Variants in GPR39 observed in about 807,000 individuals in gnomAD.
GPR39 encodes the protein zinc sensing receptor.
Under a neutral mutation model 18.4 loss-of-function variants are expected in GPR39, and 23 were observed. That is an observed-to-expected ratio of 1.25 (90% CI 0.90 to 1.77). GPR39 has a LOEUF of 1.77. Ranked by LOEUF, GPR39 falls within the 40% of genes most tolerant of loss-of-function variation. The probability of loss-of-function intolerance (pLI) is 0.00; values close to 1 mark genes in which losing one functional copy is unlikely to be tolerated. For synonymous variants in GPR39, 280 were observed against 257.9 expected, an observed-to-expected ratio of 1.09 and a Z score of -0.82; for missense variants, 647 against 602.4, an observed-to-expected ratio of 1.07 and a Z score of -0.78.
intron 1 of GPR39, among the ~76,000 whole-genome samples, chr2:132,595,088 G>C (rs545498184): frequency 6.6e-6 from 1 of 152,028 alleles, no homozygotes; most frequent in Non-Finnish European, 1.5e-5. Context: ...AGCCTCCGCC[G>C]CACAGGCTTA....
chr2:132,461,525 G>T (rs1680831061), intron 1 of GPR39, among the ~76,000 whole-genome samples: 2 of 152,200 alleles, frequency 1.3e-5, no homozygotes, highest in African/African-American at 4.8e-5. Flanking sequence ...ATCTCAGGCT[G>T]CTAACACAAC....
chr2:132,452,832 T>A (rs1262920547), intron 1 of GPR39, among the ~76,000 whole-genome samples: 1 of 149,822 alleles, frequency 6.7e-6, no homozygotes, highest in Non-Finnish European at 1.5e-5. Flanking sequence ...GGCTGCATAG[T>A]ATTCCACGCT....
intron 1 of GPR39, among the ~76,000 whole-genome samples, chr2:132,468,580 G>A (rs1328883025): frequency 6.6e-6 from 1 of 152,200 alleles, no homozygotes; most frequent in Admixed American, 6.5e-5. Context: ...ATTGAGTTTG[G>A]AACGTGAGAC....
intron 1 of GPR39, among the ~76,000 whole-genome samples, chr2:132,602,118 G>A (rs1003275719): frequency 1.3e-5 from 2 of 151,320 alleles, no homozygotes; most frequent in Non-Finnish European, 2.9e-5. Context: ...AGAGCAGGGA[G>A]CATCATACTA....
At chr2:132,610,648 G>A (rs1479851037) in intron 1 of GPR39, among the ~76,000 whole-genome samples, 5 of 152,000 alleles carry the variant, frequency 3.3e-5, no homozygotes, top group African/African-American at 4.8e-5. Flanking sequence ...GTGGTGGCAC[G>A]TACCTGTAGT....
At chr2:132,487,172 G>A (rs1314629927) in intron 1 of GPR39, among the ~76,000 whole-genome samples, 1 of 152,156 alleles carries the variant, frequency 6.6e-6, no homozygotes, top group East Asian at 1.9e-4. Flanking sequence ...TATGGGTATG[G>A]TTTGTGGTGC....
chr2:132,432,059 C>T (rs1236117953), intron 1 of GPR39, among the ~76,000 whole-genome samples: 1 of 152,156 alleles, frequency 6.6e-6, no homozygotes, highest in Non-Finnish European at 1.5e-5. Context: ...CCAACATCTT[C>T]AGATTTCTCC....
chr2:132,521,020 A>T (rs892322939), intron 1 of GPR39, among the ~76,000 whole-genome samples: 1 of 152,204 alleles, frequency 6.6e-6, no homozygotes, highest in African/African-American at 2.4e-5. Context: ...AAGCCTGGAA[A>T]TGGGCTGTTC....
At chr2:132,503,064 TC>T (rs1485075896) in intron 1 of GPR39, among the ~76,000 whole-genome samples, 1 of 152,250 alleles carries the variant, frequency 6.6e-6, no homozygotes, top group Non-Finnish European at 1.5e-5. Flanking sequence ...GAATTATTCT[TC>T]TGGCAAATCA....
chr2:132,511,145 G>A lies in GPR39; in HGVS notation c.856+93247G>A, dbSNP rs114423258. 3.5e-3 allele frequency among the ~76,000 whole-genome samples: 530 copies of A among 152,218 alleles called. 2 individuals carry two copies. Among genetic ancestry groups the A allele is most frequent in the African/African-American group, 0.012 (486 of 41,552 alleles). ...TTGCAAGAATTCCCAGCATCCCATC[G>A]TGAAGCAAGGTTTGCCTGTTTCTGA... On this transcript the variant is annotated intron_variant, in intron 1 of 1. Coordinates refer to ENST00000329321, the MANE Select transcript of GPR39 (RefSeq NM_001508.3).
At chr2:132,458,270 T>C (rs1378170083) in intron 1 of GPR39, among the ~76,000 whole-genome samples, 1 of 152,218 alleles carries the variant, frequency 6.6e-6, no homozygotes, top group Non-Finnish European at 1.5e-5. Flanking sequence ...TTCTGTATTC[T>C]TACCAGTCTT....
chr2:132,594,315 A>C (rs747734483), intron 1 of GPR39, among the ~76,000 whole-genome samples: 6 of 152,118 alleles, frequency 3.9e-5, no homozygotes, highest in Non-Finnish European at 8.8e-5. Context: ...TTTTTGGCTA[A>C]AATGATCTCT....
chr2:132,434,543 C>T (rs1680278445), intron 1 of GPR39, among the ~76,000 whole-genome samples: 1 of 152,128 alleles, frequency 6.6e-6, no homozygotes, highest in African/African-American at 2.4e-5. Context: ...CTACTTGCCC[C>T]CAAACAGAAC....
chr2:132,559,974 G>A (rs1365214007), intron 1 of GPR39, among the ~76,000 whole-genome samples: 1 of 151,996 alleles, frequency 6.6e-6, no homozygotes, highest in African/African-American at 2.4e-5. Flanking sequence ...GGAAGGGGAG[G>A]ATGAGGGCTT....
At chr2:132,469,494 C>T (rs1056680463) in intron 1 of GPR39, among the ~76,000 whole-genome samples, 1 of 152,200 alleles carries the variant, frequency 6.6e-6, no homozygotes, top group South Asian at 2.1e-4. Context: ...GTAATTGAAT[C>T]GCAAATAACA....
At chr2:132,488,176 A>G (rs1372333659) in intron 1 of GPR39, among the ~76,000 whole-genome samples, 1 of 152,150 alleles carries the variant, frequency 6.6e-6, no homozygotes, top group Non-Finnish European at 1.5e-5. Flanking sequence ...ACCTTTGTTA[A>G]TAGGTACTTG....
At chr2:132,637,840 G>A (rs1031289916) in intron 1 of GPR39, among the ~76,000 whole-genome samples, 1 of 152,066 alleles carries the variant, frequency 6.6e-6, no homozygotes, top group African/African-American at 2.4e-5. Context: ...TGCCCTCTCT[G>A]CCACCTCCCT....
At chr2:132,484,624 T>G (rs771293403) in intron 1 of GPR39, among the ~76,000 whole-genome samples, 5 of 152,152 alleles carry the variant, frequency 3.3e-5, no homozygotes, top group Admixed American at 6.6e-5. Flanking sequence ...TAATTGCACC[T>G]TCAGGGTAAG....
intron 1 of GPR39, among the ~76,000 whole-genome samples, chr2:132,632,238 G>T (rs1157524956): frequency 6.6e-6 from 1 of 152,088 alleles, no homozygotes; most frequent in African/African-American, 2.4e-5. Context: ...CATTCTGCAG[G>T]AGTCTAGCTT....
Sources: allele counts gnomAD v4.1 joint callset (sites outside exome capture counted in the v4.1 genomes callset), GRCh38; gene constraint gnomAD v4.1.1; transcripts MANE v1.5; gene names NCBI Gene and HGNC (gene_info 2026-07-23, HGNC 2026-07-21).